Variants in CFAP77 observed in about 807,000 individuals in gnomAD.
The protein encoded by CFAP77 is cilia- and flagella-associated protein 77.
In CFAP77, 25 loss-of-function variants were observed where a neutral mutation model predicts 31.1. The observed-to-expected ratio is 0.80, with a 90% CI of 0.59 to 1.12. The LOEUF is 1.12. Among genes scored for constraint, CFAP77 ranks in the 50% most tolerant of loss-of-function variants. The probability of loss-of-function intolerance (pLI) is 0.00; values close to 1 mark genes in which losing one functional copy is unlikely to be tolerated. For missense variants in CFAP77, 377 were observed against 397.3 expected, an observed-to-expected ratio of 0.95 and a Z score of 0.44; for synonymous variants, 151 against 159.9, an observed-to-expected ratio of 0.94 and a Z score of 0.42.
chr9:132,421,402 A>G (rs1424667718), intron 1 of CFAP77, among the ~76,000 whole-genome samples: 2 of 152,222 alleles, frequency 1.3e-5, no homozygotes, highest in South Asian at 4.1e-4. Flanking sequence ...CAATTTTGGG[A>G]TCCCTCTTTA....
chr9:132,520,335 G>A (rs1235750259), intron 3 of CFAP77, among the ~76,000 whole-genome samples: 1 of 152,042 alleles, frequency 6.6e-6, no homozygotes, highest in African/African-American at 2.4e-5. Context: ...ATACACCTGG[G>A]TATCCAATGA....
rs184621408 is a variant in CFAP77 at position 132,529,995 on chromosome 9, A to G, written c.525-7606A>G. Among the ~76,000 whole-genome samples, 22 of 152,284 alleles carry G rather than the reference A, an allele frequency of 1.4e-4. No homozygotes were observed. In the East Asian group the frequency reaches 4.2e-3, roughly 29 times the overall value. Reference sequence around the variant, plus strand: ...TTATTTTAGCTGTACTAATGGGGGCATAGTGATATCATAGTCTTCATTTGC... The same window carrying G: ...TTATTTTAGCTGTACTAATGGGGGCGTAGTGATATCATAGTCTTCATTTGC... On this transcript the variant is annotated intron_variant, in intron 3 of 5. Transcript: ENST00000393216.
At chr9:132,544,267 G>A (rs1448893877) in intron 5 of CFAP77, among the ~76,000 whole-genome samples, 6 of 152,226 alleles carry the variant, frequency 3.9e-5, no homozygotes, top group Admixed American at 6.5e-5. Flanking sequence ...CACAGCAGAC[G>A]TCAAGGGAGG....
chr9:132,521,606 G>A (rs1852264172), intron 3 of CFAP77, among the ~76,000 whole-genome samples: 1 of 152,014 alleles, frequency 6.6e-6, no homozygotes, highest in Non-Finnish European at 1.5e-5. Context: ...AGAGGTGTCC[G>A]CCAGGCGAAG....
chr9:132,549,636 G>A (rs1397761871), intron 5 of CFAP77, among the ~76,000 whole-genome samples: 1 of 152,150 alleles, frequency 6.6e-6, no homozygotes, highest in Non-Finnish European at 1.5e-5. Flanking sequence ...TCAGGAGTTT[G>A]AGACCAGCCT....
Position 132,436,246 on chromosome 9 carries a change from A to C in CFAP77, c.195+25780A>C, listed in dbSNP as rs1012333516. Among the ~76,000 whole-genome samples the C allele has an allele frequency of 1.2e-4, 18 of 152,256 alleles. No homozygotes were observed. In the East Asian group the frequency reaches 3.3e-3, roughly 28 times the overall value. Reference sequence around the variant, plus strand: ...GCCTCTCCCAGTTTCTAGTGGCTCCAGGTGTTCTTGACTTGTGGCCGCATC... The same window carrying C: ...GCCTCTCCCAGTTTCTAGTGGCTCCCGGTGTTCTTGACTTGTGGCCGCATC... On this transcript the variant is annotated intron_variant, in intron 1 of 5. Transcript: ENST00000393216.
intron 1 of CFAP77, among the ~76,000 whole-genome samples, chr9:132,425,317 T>G (rs147598485): frequency 0.011 from 1,721 of 152,232 alleles, 36 homozygotes; most frequent in African/African-American, 0.04. Flanking sequence ...AGGGCCCGAT[T>G]CCCTTTGTCA....
chr9:132,424,940 G>A lies in CFAP77; in HGVS notation c.195+14474G>A, dbSNP rs1850287998. 6.6e-6 allele frequency among the ~76,000 whole-genome samples: 1 copy of A among 152,132 alleles called. No homozygotes were observed. Among genetic ancestry groups the A allele is most frequent in the Non-Finnish European group, 1.5e-5 (1 of 68,032 alleles). ...GCAAATTGTTATCAGATTAGCGCCAGCAATGAAAAGCACAGTCCCGCTCAC... is the reference window on the plus strand; with the variant it reads ...GCAAATTGTTATCAGATTAGCGCCAACAATGAAAAGCACAGTCCCGCTCAC... On this transcript the variant is annotated intron_variant, in intron 1 of 5. Transcript: ENST00000393216. This position sits in a 1 kb window ranked among gnomAD's most constrained non-coding sequence, Gnocchi z 4.1.
rs1851202396 is a variant in CFAP77 at position 132,468,814 on chromosome 9, C to T, written c.196-29881C>T. Among the ~76,000 whole-genome samples the T allele has an allele frequency of 2.6e-5, 4 of 151,994 alleles. No homozygotes were observed. In the South Asian group the frequency reaches 8.3e-4, roughly 32 times the overall value. On this transcript the variant is annotated intron_variant, in intron 1 of 5. Coordinates refer to ENST00000393216, the MANE Select transcript of CFAP77 (RefSeq NM_001282957.2). ...ACGCACACACACACACACACACGCA[C>T]GCACACACGGCACCCATGTGGTCAA... is the stretch of plus-strand genomic sequence containing the variant.
intron 5 of CFAP77, among the ~76,000 whole-genome samples, chr9:132,546,413 C>T (rs1852730566): frequency 6.6e-6 from 1 of 151,932 alleles, no homozygotes; most frequent in South Asian, 2.1e-4. Flanking sequence ...AAAAGCGCTT[C>T]CAGAAAAGTT....
rs1019231998 is a variant in CFAP77, at chr9:132,498,748, T to C, written c.249T>C (p.Phe83=). 6.2e-7 allele frequency: 1 copy of C among 1,612,552 alleles called. No homozygotes were observed. The highest frequency in any genetic ancestry group is 8.5e-7 in the Non-Finnish European group (1 of 1,179,330). ...ERSYSLPGIN[F]NYGLYIRGLD... is the part of the protein sequence containing the mutation. ...GCTACAGTCTGCCCGGCATTAATTT[T>C]AATTATGGACTCTACATCCGAGGGC... is the stretch of plus-strand genomic sequence containing the variant. The change falls in exon 2 of 6, where the codon TTT becomes TTC. Residue 83 remains phenylalanine, a synonymous_variant. Transcript: ENST00000393216. The surrounding 1 kb of genome is among the most constrained non-coding windows in gnomAD (Gnocchi z 4.2).
chr9:132,463,636 A>T (rs1449295289), intron 1 of CFAP77, among the ~76,000 whole-genome samples: 1 of 152,148 alleles, frequency 6.6e-6, no homozygotes, highest in Non-Finnish European at 1.5e-5. Flanking sequence ...CGGGCTAATG[A>T]CGCTAAGGGG....
At chr9:132,417,448 G>A (rs571648149) in intron 1 of CFAP77, among the ~76,000 whole-genome samples, 9 of 152,246 alleles carry the variant, frequency 5.9e-5, no homozygotes, top group Non-Finnish European at 1.2e-4. Context: ...AAAAGATATC[G>A]AAATAGGTTG....
rs1027322657 is a variant in CFAP77, at chr9:132,537,774, C to A, written c.630+68C>A. On this transcript the variant is annotated intron_variant, in intron 4 of 5. Transcript: ENST00000393216. ...GAGAAGAGAGAAGGGCTGGCCAGGG[C>A]CAAGCATCGAGATGACACTTGTGTA... The A allele has an allele frequency of 4.1e-6, 5 of 1,209,010 alleles. No homozygotes were observed. The African/African-American group carries it at 6.0e-5, about 15-fold the overall frequency. 74.9% of individuals were successfully genotyped at this position (1,209,010 alleles called of 1,614,324 possible).
chr9:132,436,414 C>T (rs1850505073), intron 1 of CFAP77, among the ~76,000 whole-genome samples: 1 of 152,186 alleles, frequency 6.6e-6, no homozygotes, highest in Non-Finnish European at 1.5e-5. Context: ...ATTGCATTTG[C>T]AATGATCCTT....
At chr9:132,546,475 A>G (rs1234050391) in intron 5 of CFAP77, among the ~76,000 whole-genome samples, 1 of 152,092 alleles carries the variant, frequency 6.6e-6, no homozygotes, top group Non-Finnish European at 1.5e-5. Flanking sequence ...GCTCACGAGC[A>G]GATGTCGACG....
At chr9:132,461,836 A>G (rs1268184644) in intron 1 of CFAP77, among the ~76,000 whole-genome samples, 1 of 152,222 alleles carries the variant, frequency 6.6e-6, no homozygotes, top group Non-Finnish European at 1.5e-5. Context: ...TCCGCCTCAC[A>G]GAGTGGCTGC....
chr9:132,451,076 C>T (rs1442370032), intron 1 of CFAP77, among the ~76,000 whole-genome samples: 2 of 152,170 alleles, frequency 1.3e-5, no homozygotes, highest in African/African-American at 4.8e-5. Context: ...GTGCCTCACA[C>T]CTGTAATCTC....
intron 3 of CFAP77, among the ~76,000 whole-genome samples, chr9:132,519,508 G>T (rs62649743): frequency 1.1e-4 from 1 of 8,918 alleles, no homozygotes; most frequent in Non-Finnish European, 2.3e-4. Flanking sequence ...GCATGGATGG[G>T]TGGGTGGGTG....
Sources: gnomAD v4.1 joint callset for allele counts (sites outside exome capture counted in the v4.1 genomes callset) on GRCh38, gnomAD v4.1.1 for gene constraint, Gnocchi (gnomAD v3.1) non-coding constraint, MANE v1.5 for transcripts, NCBI Gene and HGNC (gene_info 2026-07-23, HGNC 2026-07-21) for gene names.